Variants in CIMIP2C observed in about 807,000 individuals in gnomAD.
CIMIP2C encodes the protein UPF0573 protein C2orf70.
chr2:26,565,182 T>C, the CIMIP2C span, among the ~76,000 whole-genome samples: 5 of 150,252 alleles, frequency 3.3e-5, no homozygotes, highest in Non-Finnish European at 7.4e-5. Context: ...CTCTGCCTCC[T>C]GGGTTCAAGC....
At chr2:26,571,445 A>G in the CIMIP2C span, among the ~76,000 whole-genome samples, 2 of 152,230 alleles carry the variant, frequency 1.3e-5, no homozygotes, top group African/African-American at 4.8e-5. Flanking sequence ...AGGCCAGCTC[A>G]GCATGGCGCC....
the CIMIP2C span, among the ~76,000 whole-genome samples, chr2:26,565,880 T>A: frequency 6.6e-6 from 1 of 152,192 alleles, no homozygotes; most frequent in African/African-American, 2.4e-5. Context: ...GGGTGCTCCA[T>A]TTGGTTCCAT....
chr2:26,573,211 C>T, the CIMIP2C span, among the ~76,000 whole-genome samples: 366 of 152,168 alleles, frequency 2.4e-3, 3 homozygotes, highest in African/African-American at 8.4e-3. Context: ...AGAAATCAGG[C>T]AGAAGATGCA....
At chr2:26,562,993 G>T in the CIMIP2C span, 1 of 422,420 alleles carries the variant, frequency 2.4e-6, no homozygotes, top group Non-Finnish European at 4.2e-6. Context: ...ATGGAGCCAC[G>T]TGGGGTTTAG....
At chr2:26,572,349 G>GTTTTTTTTTTTT in the CIMIP2C span, among the ~76,000 whole-genome samples, 1 of 138,658 alleles carries the variant, frequency 7.2e-6, no homozygotes, top group Non-Finnish European at 1.6e-5. Context: ...TACTGAGTTG[G>GTTTTTTTTTTTT]TTTTTTTTTT....
the CIMIP2C span, among the ~76,000 whole-genome samples, chr2:26,573,534 G>A: frequency 2.6e-5 from 4 of 152,264 alleles, no homozygotes; most frequent in South Asian, 2.1e-4. Flanking sequence ...CAGGAGTGGC[G>A]CCCAGGCCGG....
At chr2:26,570,940 GTGGAGGGTGA>G in the CIMIP2C span, among the ~76,000 whole-genome samples, 8 of 152,312 alleles carry the variant, frequency 5.3e-5, no homozygotes, top group South Asian at 2.1e-4. Flanking sequence ...GAGGTCAGAT[GTGGAGGGTGA>G]TGGAGGGTGA....
chr2:26,562,668 C>T, the CIMIP2C span: 2 of 1,579,106 alleles, frequency 1.3e-6, no homozygotes, highest in Non-Finnish European at 1.7e-6. Context: ...GCCTACGTGC[C>T]CCCTGGACTC....
At chr2:26,562,918 A>G in the CIMIP2C span, 3 of 562,014 alleles carry the variant, frequency 5.3e-6, no homozygotes, top group Non-Finnish European at 6.3e-6. Context: ...GCTCCCTGGC[A>G]AGTGGGGCAC....
At chr2:26,578,794 A>G in the CIMIP2C span, 1 of 471,210 alleles carries the variant, frequency 2.1e-6, no homozygotes, top group Admixed American at 2.3e-5. Flanking sequence ...GGCCACTTGC[A>G]CTGCTGCTGA....
At chr2:26,567,336 T>A in the CIMIP2C span, among the ~76,000 whole-genome samples, 2 of 152,344 alleles carry the variant, frequency 1.3e-5, no homozygotes, top group Non-Finnish European at 2.9e-5. Context: ...TCCCCATTTG[T>A]TGGGCACCCA....
At chr2:26,563,978 C>T in the CIMIP2C span, among the ~76,000 whole-genome samples, 3 of 152,152 alleles carry the variant, frequency 2.0e-5, no homozygotes, top group Admixed American at 6.5e-5. Flanking sequence ...GAAGCCAAGC[C>T]AGGTGACTTA....
chr2:26,564,537 T>C, the CIMIP2C span, among the ~76,000 whole-genome samples: 1 of 152,214 alleles, frequency 6.6e-6, no homozygotes, highest in African/African-American at 2.4e-5. Context: ...TGCTTTCTCA[T>C]CTAGATCTTT....
chr2:26,566,913 C>T, the CIMIP2C span, among the ~76,000 whole-genome samples: 3 of 152,278 alleles, frequency 2.0e-5, no homozygotes, highest in African/African-American at 7.2e-5. Flanking sequence ...AGAGACAGGG[C>T]TGCCCAGGCT....
chr2:26,574,824 G>C, the CIMIP2C span, among the ~76,000 whole-genome samples: 1 of 152,228 alleles, frequency 6.6e-6, no homozygotes, highest in African/African-American at 2.4e-5. Context: ...GGAAGGCCCA[G>C]CAAGACAGAG....
At chr2:26,572,124 G>T in the CIMIP2C span, 1 of 1,544,756 alleles carries the variant, frequency 6.5e-7, no homozygotes, top group African/African-American at 1.4e-5. Context: ...AGATGCCATG[G>T]GTTGACTCTG....
chr2:26,579,163 C>A, the CIMIP2C span: 1 of 1,000,118 alleles, frequency 1.0e-6, no homozygotes, highest in Non-Finnish European at 1.5e-6. Flanking sequence ...GGGGACTTAT[C>A]AGGTGTTAAA....
At chr2:26,563,349 C>T in the CIMIP2C span, among the ~76,000 whole-genome samples, 1 of 152,246 alleles carries the variant, frequency 6.6e-6, no homozygotes, top group Non-Finnish European at 1.5e-5. Flanking sequence ...GTTACACCTA[C>T]CTTTCTTTAC....
the CIMIP2C span, among the ~76,000 whole-genome samples, chr2:26,575,195 C>T: frequency 6.6e-6 from 1 of 152,232 alleles, no homozygotes; most frequent in Non-Finnish European, 1.5e-5. Context: ...AGCTCCAGAA[C>T]CTTAGTCAGC....
Sources: allele counts gnomAD v4.1 joint callset (sites outside exome capture counted in the v4.1 genomes callset), GRCh38; gene constraint gnomAD v4.1.1; transcripts MANE v1.5; gene names NCBI Gene and HGNC (gene_info 2026-07-23, HGNC 2026-07-21).